The following SPAG9 variants were observed in gnomAD, a reference collection of about 807,000 sequenced individuals.
SPAG9 encodes the protein sperm associated antigen 9, also known as C-Jun-amino-terminal kinase-interacting protein 4.
In SPAG9, 35 loss-of-function variants were observed where a neutral mutation model predicts 166.5. The observed-to-expected ratio is 0.21, with a 90% CI of 0.16 to 0.28. The LOEUF (loss-of-function observed/expected upper bound fraction) is 0.28, where lower values mean the gene tolerates loss of function less well. Among genes scored for constraint, SPAG9 ranks in the 10% least tolerant of loss-of-function variants. The pLI is 1.00. For missense variants in SPAG9, 1,235 were observed against 1,603.3 expected, an observed-to-expected ratio of 0.77 and a Z score of 3.92; for synonymous variants, 534 against 565.5, an observed-to-expected ratio of 0.94 and a Z score of 0.79.
intron 8 of SPAG9, among the ~76,000 whole-genome samples, chr17:51,017,486 G>A (rs1328009509): frequency 6.6e-6 from 1 of 151,618 alleles, no homozygotes; most frequent in South Asian, 2.1e-4. Context: ...GTAGGATCCA[G>A]GAAGAAGAGT....
intron 5 of SPAG9, among the ~76,000 whole-genome samples, chr17:51,032,123 A>G (rs933963680): frequency 2.0e-5 from 3 of 152,338 alleles, no homozygotes; most frequent in African/African-American, 2.4e-5. Context: ...AATTAGTTAG[A>G]TAACACTAAT....
intron 21 of SPAG9, 72 bp downstream of exon 21, chr17:50,989,605 T>G: frequency 8.5e-7 from 1 of 1,178,960 alleles, no homozygotes; most frequent in Non-Finnish European, 1.2e-6. Flanking sequence ...CTTTTGACTG[T>G]TTGAGATTAT....
intron 5 of SPAG9, among the ~76,000 whole-genome samples, chr17:51,037,685 A>ATATATATATATATATATATATATATAGT: frequency 4.8e-5 from 4 of 83,510 alleles, no homozygotes; most frequent in African/African-American, 1.2e-4. Flanking sequence ...ATATATATAT[A>ATATATATATATATATATATATATATAGT]GTGTGTGTGT....
intron 21 of SPAG9, among the ~76,000 whole-genome samples, chr17:50,988,348 A>C (rs2143798705): frequency 6.6e-6 from 1 of 152,346 alleles, no homozygotes; most frequent in Non-Finnish European, 1.5e-5. Flanking sequence ...GCATTCCAAT[A>C]ATGGACCACT....
In SPAG9 at chr17:50,984,672, C is replaced by T. The variant is rs558438478; in HGVS notation, c.3088+251G>A. Among the ~76,000 whole-genome samples the T allele has an allele frequency of 8.1e-4, 123 of 152,102 alleles. 1 individual carries two copies. In the Middle Eastern group the frequency reaches 0.01, roughly 13 times the overall value. Reference sequence around the variant, plus strand: ...CTGCACTCCAGCCTGGGCGACAGAGCGAGACTCTGTCTCAAAAAATAAAAT... The same window carrying T: ...CTGCACTCCAGCCTGGGCGACAGAGTGAGACTCTGTCTCAAAAAATAAAAT... On this transcript the variant is annotated intron_variant, in intron 24 of 29. Transcript: ENST00000262013.
rs921914462 is a variant in SPAG9, at chr17:50,964,913, C to T, written c.*1359G>A. 6 of 195,130 alleles carry T rather than the reference C, an allele frequency of 3.1e-5. No individual in the cohort carries two copies. Among genetic ancestry groups the T allele is most frequent in the South Asian group, 1.1e-4 (2 of 18,062 alleles). 12.1% of individuals were successfully genotyped at this position (195,130 alleles called of 1,614,324 possible). A position where few individuals can be genotyped will look rare whatever the true frequency, so the allele number is the denominator to read the frequency against. On this transcript the variant is annotated 3_prime_UTR_variant, in exon 30 of 30. Coordinates refer to ENST00000262013, the MANE Select transcript of SPAG9 (RefSeq NM_001130528.3). The stretch of plus-strand genomic sequence containing the variant: ...GACTACAGGCATGTGCCACCACACC[C>T]GGTTAATTTATTTTGTTTTTTTTTT...
chr17:50,972,725 G>A (rs894647935), intron 28 of SPAG9, among the ~76,000 whole-genome samples: 2 of 152,204 alleles, frequency 1.3e-5, no homozygotes, highest in South Asian at 2.1e-4. Context: ...ATAGTCTGAC[G>A]TATCCCCACA....
intron 1 of SPAG9, among the ~76,000 whole-genome samples, chr17:51,081,092 G>A (rs1413753480): frequency 6.6e-6 from 1 of 151,942 alleles, no homozygotes; most frequent in Non-Finnish European, 1.5e-5. Context: ...AGATCTGACC[G>A]CTTTTCATCA....
At position 50,995,547 on chromosome 17, in the gene SPAG9, A is replaced by G; in HGVS notation, c.1969-14T>C. On this transcript the variant is annotated splice_polypyrimidine_tract_variant and intron_variant, in intron 16 of 29. Coordinates refer to ENST00000262013, the MANE Select transcript of SPAG9 (RefSeq NM_001130528.3). ...ACCATTGGTTACCTAATAATGGTGG[A>G]AGGAGGAGTGAAAAAGGCACATTAG... 1 of 1,546,446 alleles carries G rather than the reference A, an allele frequency of 6.5e-7. No homozygotes were observed. Among genetic ancestry groups the G allele is most frequent in the Non-Finnish European group, 8.9e-7 (1 of 1,118,936 alleles).
chr17:51,039,774 A>G (rs1206795967), intron 5 of SPAG9, among the ~76,000 whole-genome samples: 1 of 152,230 alleles, frequency 6.6e-6, no homozygotes, highest in Non-Finnish European at 1.5e-5. Flanking sequence ...GTAGTATTAA[A>G]ATATAGTTAC....
chr17:50,992,031 C>T (rs1309380748), intron 19 of SPAG9, among the ~76,000 whole-genome samples: 3 of 149,414 alleles, frequency 2.0e-5, no homozygotes, highest in Admixed American at 6.7e-5. Flanking sequence ...TTGACCTCCC[C>T]GACTCAAGTT....
chr17:51,118,548 C>T (rs1568104856), intron 1 of SPAG9, among the ~76,000 whole-genome samples: 2 of 152,184 alleles, frequency 1.3e-5, no homozygotes, highest in Admixed American at 6.6e-5. Flanking sequence ...TGCTTGTCAC[C>T]TGTGTGTACA....
chr17:51,087,715 T>C (rs1006426267), intron 1 of SPAG9, among the ~76,000 whole-genome samples: 2 of 152,164 alleles, frequency 1.3e-5, no homozygotes, highest in African/African-American at 4.8e-5. Flanking sequence ...TTCTTTATTG[T>C]TTAATTTAAT....
At chr17:51,044,730 G>C (rs577989022) in intron 4 of SPAG9, among the ~76,000 whole-genome samples, 8 of 152,204 alleles carry the variant, frequency 5.3e-5, no homozygotes, top group Non-Finnish European at 1.0e-4. Flanking sequence ...AGAGATTTTA[G>C]GCACTAGTAA....
chr17:51,019,257 T>G (rs2045832180), intron 8 of SPAG9, among the ~76,000 whole-genome samples: 1 of 152,184 alleles, frequency 6.6e-6, no homozygotes, highest in South Asian at 2.1e-4. Flanking sequence ...AGAAAATTAA[T>G]TTCTGTTCTT....
chr17:50,964,684 G>C lies in SPAG9; in HGVS notation c.*1588C>G, dbSNP rs1973270720. On this transcript the variant is annotated 3_prime_UTR_variant, in exon 30 of 30. Transcript: ENST00000262013. ...CAAGAAGCTTGAGAGGGAAAAAATT[G>C]CAGCATCGTGGTTTTAAAAAACTTA... is the stretch of plus-strand genomic sequence containing the variant. 1 of 443,220 alleles carries C rather than the reference G, an allele frequency of 2.3e-6. No individual in the cohort carries two copies. The highest frequency in any genetic ancestry group is 7.3e-5 in the East Asian group (1 of 13,662). The allele number at this position is 443,220 out of a possible 1,614,324, so 27.5% of individuals were successfully genotyped here.
intron 10 of SPAG9, among the ~76,000 whole-genome samples, chr17:51,007,062 C>A (rs911787191): frequency 5.3e-5 from 8 of 151,794 alleles, no homozygotes; most frequent in Non-Finnish European, 1.2e-4. Flanking sequence ...TACAAAAAAA[C>A]AGGGCAAGGG....
At chr17:51,076,311 T>C (rs2047968675) in intron 2 of SPAG9, among the ~76,000 whole-genome samples, 1 of 151,844 alleles carries the variant, frequency 6.6e-6, no homozygotes, top group Admixed American at 6.6e-5. Flanking sequence ...TAGTCTCAGT[T>C]ACTCAGGAGG....
Position 50,970,755 on chromosome 17 carries a change from A to C in SPAG9, c.3802T>G (p.Ser1268Ala). 6.2e-7 allele frequency: 1 copy of C among 1,614,018 alleles called. No homozygotes were observed. The highest frequency in any genetic ancestry group is 8.5e-7 in the Non-Finnish European group (1 of 1,179,988). ...TCTCCTCCACTGATGACAAGCATAGACTTCAAGGGCGTCTGACTACCAGGC... is the reference window on the plus strand; with the variant it reads ...TCTCCTCCACTGATGACAAGCATAGCCTTCAAGGGCGTCTGACTACCAGGC... The part of the protein sequence containing the change: ...QEPGSQTPLK[S>A]MLVISGGEGY... The change falls in exon 29 of 30, where the codon TCT (serine) becomes GCT (alanine). Residue 1268 changes from serine (S) to alanine (A), a missense_variant. Around this residue, in one of 6 missense-constraint regions of SPAG9, gnomAD observed 243 missense variants for 358.6 expected, o/e 0.68. Coordinates refer to ENST00000262013, the MANE Select transcript of SPAG9 (RefSeq NM_001130528.3).
Sources: gnomAD v4.1 joint callset for allele counts (sites outside exome capture counted in the v4.1 genomes callset) on GRCh38, gnomAD v4.1.1 for gene constraint, gnomAD v4.1.1 regional missense constraint, MANE v1.5 for transcripts, NCBI Gene and HGNC (gene_info 2026-07-23, HGNC 2026-07-21) for gene names.